The following MAST4 variants were observed in gnomAD, a reference collection of about 807,000 sequenced individuals.
MAST4 encodes the protein microtubule-associated serine/threonine-protein kinase 4.
MAST4 carries 89 observed loss-of-function variants against 162.7 expected under a neutral mutation model. That is an observed-to-expected ratio of 0.55 (90% CI 0.46 to 0.65). The LOEUF is 0.65. Among genes scored for constraint, MAST4 ranks in the 30% least tolerant of loss-of-function variants. The pLI is 0.00. For synonymous variants in MAST4, 1,479 were observed against 1,361.1 expected (o/e 1.09, Z -1.91); for missense variants, 3,153 against 3,374.0 (o/e 0.93, Z 1.62).
chr5:66,859,516 T>A (rs2149834752), intron 3 of MAST4, among the ~76,000 whole-genome samples: 1 of 152,300 alleles, frequency 6.6e-6, no homozygotes, highest in African/African-American at 2.4e-5. Context: ...ACCTTTCCCA[T>A]AAACCCCCAG....
chr5:66,629,791 T>G (rs1220124114), intron 1 of MAST4, among the ~76,000 whole-genome samples: 2 of 152,210 alleles, frequency 1.3e-5, no homozygotes, highest in Non-Finnish European at 2.9e-5. Context: ...TTTAACCAAC[T>G]GGAAAGATGT....
At chr5:66,615,006 G>A (rs531218647) in intron 1 of MAST4, among the ~76,000 whole-genome samples, 6 of 152,314 alleles carry the variant, frequency 3.9e-5, no homozygotes, top group African/African-American at 1.4e-4. Context: ...GCAGGAACCA[G>A]GACCCTTGTA....
At chr5:67,054,180 G>A (rs943028096) in intron 4 of MAST4, among the ~76,000 whole-genome samples, 1 of 152,164 alleles carries the variant, frequency 6.6e-6, no homozygotes, top group Non-Finnish European at 1.5e-5. Context: ...TGCTCCACTG[G>A]TGGTGAGGAA....
intron 5 of MAST4, among the ~76,000 whole-genome samples, chr5:67,060,079 A>G (rs1337919421): frequency 2.0e-5 from 3 of 152,234 alleles, no homozygotes; most frequent in South Asian, 4.1e-4. Flanking sequence ...AGGAGAAACT[A>G]TATGACATCA....
intron 3 of MAST4, among the ~76,000 whole-genome samples, chr5:66,834,360 C>A (rs1403745372): frequency 6.6e-6 from 1 of 152,110 alleles, no homozygotes; most frequent in Non-Finnish European, 1.5e-5. Context: ...TAAAAGGACA[C>A]AGCCAGTCAT....
At chr5:66,626,789 A>G (rs1279348135) in intron 1 of MAST4, among the ~76,000 whole-genome samples, 1 of 152,168 alleles carries the variant, frequency 6.6e-6, no homozygotes, top group African/African-American at 2.4e-5. Flanking sequence ...TTTCTGTTAA[A>G]CACCTAAGTG....
chr5:66,994,984 T>G (rs1262161318), intron 4 of MAST4, among the ~76,000 whole-genome samples: 1 of 152,182 alleles, frequency 6.6e-6, no homozygotes, highest in African/African-American at 2.4e-5. Context: ...CTCACCAATC[T>G]GCAAATAATG....
chr5:66,773,529 A>C (rs953880354), intron 2 of MAST4, among the ~76,000 whole-genome samples: 3 of 152,160 alleles, frequency 2.0e-5, no homozygotes, highest in Non-Finnish European at 2.9e-5. Flanking sequence ...ATAGAGGGGG[A>C]ATCATGTCAT....
At chr5:66,989,500 G>C (rs1749848822) in intron 4 of MAST4, among the ~76,000 whole-genome samples, 1 of 152,128 alleles carries the variant, frequency 6.6e-6, no homozygotes, top group African/African-American at 2.4e-5. Flanking sequence ...GTGGTATTCA[G>C]GAATGGAGGC....
At chr5:66,979,900 G>A (rs1261077472) in intron 4 of MAST4, among the ~76,000 whole-genome samples, 1 of 152,170 alleles carries the variant, frequency 6.6e-6, no homozygotes, top group Non-Finnish European at 1.5e-5. Context: ...TGCCTAATAC[G>A]AGTACAGACA....
intron 1 of MAST4, among the ~76,000 whole-genome samples, chr5:66,744,367 C>T (rs536926444): frequency 2.6e-5 from 4 of 152,248 alleles, no homozygotes; most frequent in Admixed American, 2.0e-4. Flanking sequence ...TCAAACAGCT[C>T]GTTTTCCCTC....
intron 3 of MAST4, among the ~76,000 whole-genome samples, chr5:66,838,102 A>G (rs1758156514): frequency 6.6e-6 from 1 of 151,740 alleles, no homozygotes; most frequent in South Asian, 2.1e-4. Context: ...TGGCACTGGT[A>G]GTGTCCAGGT....
Position 67,163,765 on chromosome 5 carries a change from G to A in MAST4, c.4586G>A (p.Arg1529His), listed in dbSNP as rs1773517139. 3 of 1,610,042 alleles carry A rather than the reference G, an allele frequency of 1.9e-6. No individual in the cohort carries two copies. The highest frequency in any genetic ancestry group is 2.7e-5 in the African/African-American group (2 of 74,884). Residue 1529 changes from arginine to histidine, a missense_variant, in exon 29 of 29, where the codon CGC becomes CAC. Transcript: ENST00000403625. The surrounding 1 kb of genome is among the most constrained non-coding windows in gnomAD (Gnocchi z 7.0). ...CAGGAGTCTGTGGACGACCTGGACC[G>A]CGACAAGCTGAAGGCCAAGGTGGTG... Reference protein sequence around the residue: ...GRQESVDDLDRDKLKAKVVVK... With the variant: ...GRQESVDDLDHDKLKAKVVVK...
At chr5:66,616,601 G>C (rs1001115669) in intron 1 of MAST4, among the ~76,000 whole-genome samples, 1 of 151,988 alleles carries the variant, frequency 6.6e-6, no homozygotes, top group Non-Finnish European at 1.5e-5. Context: ...GAGGGTGAAG[G>C]GCTTCTCTTC....
At chr5:67,161,202 C>T (rs976435564) in intron 27 of MAST4, among the ~76,000 whole-genome samples, 1 of 152,144 alleles carries the variant, frequency 6.6e-6, no homozygotes, top group African/African-American at 2.4e-5. Context: ...GGGTGTGCCT[C>T]CTTTGCAATG....
intron 5 of MAST4, among the ~76,000 whole-genome samples, chr5:67,078,913 T>TATA (rs1762172466): frequency 1.6e-5 from 1 of 62,840 alleles, no homozygotes; most frequent in African/African-American, 7.1e-5. Context: ...TTTATATAAA[T>TATA]ATATATATAT....
intron 3 of MAST4, among the ~76,000 whole-genome samples, chr5:66,858,598 T>C (rs78128446): frequency 0.038 from 5,841 of 152,300 alleles, 350 homozygotes; most frequent in African/African-American, 0.13. Context: ...TCTTGACTTT[T>C]GTAGGGCACG....
intron 1 of MAST4, among the ~76,000 whole-genome samples, chr5:66,615,039 G>C (rs1257459070): frequency 6.6e-6 from 1 of 152,192 alleles, no homozygotes; most frequent in African/African-American, 2.4e-5. Context: ...GGGGATATTT[G>C]CCTGGCAGGC....
chr5:66,989,229 A>G (rs1749821555), intron 4 of MAST4, among the ~76,000 whole-genome samples: 2 of 152,150 alleles, frequency 1.3e-5, no homozygotes, highest in South Asian at 4.1e-4. Context: ...CCTCTTCTCT[A>G]GGATTCACAG....
Sources: allele counts gnomAD v4.1 joint callset (sites outside exome capture counted in the v4.1 genomes callset), GRCh38; gene constraint gnomAD v4.1.1; non-coding constraint Gnocchi (gnomAD v3.1); transcripts MANE v1.5; gene names NCBI Gene and HGNC (gene_info 2026-07-23, HGNC 2026-07-21).